The following ARHGAP42 variants were observed in gnomAD, a reference collection of about 807,000 sequenced individuals.
The protein encoded by ARHGAP42 is Rho GTPase activating protein 42.
ARHGAP42 carries 63 observed loss-of-function variants against 125.0 expected under a neutral mutation model. That is an observed-to-expected ratio of 0.50 (90% CI 0.41 to 0.62). The LOEUF is 0.62. Among genes scored for constraint, ARHGAP42 ranks in the 20% least tolerant of loss-of-function variants. ARHGAP42 has a pLI of 0.00. For synonymous variants in ARHGAP42, 339 were observed against 351.0 expected (o/e 0.97, Z 0.38); for missense variants, 766 against 1,024.2 (o/e 0.75, Z 3.44).
chr11:100,973,388 G>A, intron 18 of ARHGAP42, 54 bp downstream of exon 18: 2 of 1,519,804 alleles, frequency 1.3e-6, no homozygotes, highest in South Asian at 2.5e-5. Flanking sequence ...GTTTTATAAA[G>A]GAATTTTGCA....
In ARHGAP42 at chr11:100,837,838, T is replaced by A. The variant is rs189653236; in HGVS notation, c.313-21716T>A. ...CAGTTAAGTTTTTGGCCATCTTGGA[T>A]TTAATTAGTTGTGGCTGTTTTTGTT... On this transcript the variant is annotated intron_variant, in intron 3 of 23. Transcript: ENST00000298815. Among the ~76,000 whole-genome samples, 360 of 149,992 alleles carry A rather than the reference T, an allele frequency of 2.4e-3. 1 individual carries two copies. The highest frequency in any genetic ancestry group is 8.1e-3 in the African/African-American group (334 of 41,134).
chr11:100,903,133 A>ACACACACACACACG (rs1591282259), intron 4 of ARHGAP42, among the ~76,000 whole-genome samples: 2 of 151,268 alleles, frequency 1.3e-5, no homozygotes, highest in East Asian at 3.9e-4. Context: ...ACACACACAC[A>ACACACACACACACG]CACACACACA....
At chr11:100,742,133 A>C (rs1305144301) in intron 1 of ARHGAP42, among the ~76,000 whole-genome samples, 1 of 152,210 alleles carries the variant, frequency 6.6e-6, no homozygotes, top group Non-Finnish European at 1.5e-5. Context: ...TACTGCCATC[A>C]TTCTGATCCT....
rs971023847 is a variant in ARHGAP42 at position 100,688,017 on chromosome 11, A to T, written c.154+185A>T. 20 of 571,916 alleles carry T rather than the reference A, an allele frequency of 3.5e-5. No homozygotes were observed. The Admixed American group carries it at 6.7e-4, about 19-fold the overall frequency. 35.4% of individuals were successfully genotyped at this position (571,916 alleles called of 1,614,324 possible). ...CTTGAGGTGTTCTTTACTTACTCAC[A>T]TGTCTACAGGGATGGGGAAAGTTCT... On this transcript the variant is annotated intron_variant, in intron 1 of 23. Coordinates refer to ENST00000298815, the MANE Select transcript of ARHGAP42 (RefSeq NM_152432.4).
intron 5 of ARHGAP42, among the ~76,000 whole-genome samples, chr11:100,915,167 A>G (rs894913691): frequency 3.9e-5 from 6 of 152,182 alleles, no homozygotes; most frequent in African/African-American, 1.2e-4. Flanking sequence ...CTAGATTTCT[A>G]TTTGAAATTT....
chr11:100,713,218 T>C (rs928480240), intron 1 of ARHGAP42, among the ~76,000 whole-genome samples: 2 of 152,220 alleles, frequency 1.3e-5, no homozygotes, highest in Non-Finnish European at 2.9e-5. Flanking sequence ...TTTTGTAATG[T>C]TTTATATACT....
At chr11:100,907,604 A>G (rs1866774684) in intron 4 of ARHGAP42, among the ~76,000 whole-genome samples, 1 of 152,152 alleles carries the variant, frequency 6.6e-6, no homozygotes, top group African/African-American at 2.4e-5. Flanking sequence ...AGCCACACCA[A>G]TATTTTCACC....
At chr11:100,725,145 C>A (rs61910502) in intron 1 of ARHGAP42, among the ~76,000 whole-genome samples, 1 of 150,708 alleles carries the variant, frequency 6.6e-6, no homozygotes, top group African/African-American at 2.4e-5. Flanking sequence ...CTCCCTTATG[C>A]GCCCATTTTA....
At chr11:100,984,823 TA>T (rs1000952438) in intron 22 of ARHGAP42, among the ~76,000 whole-genome samples, 2 of 152,086 alleles carry the variant, frequency 1.3e-5, no homozygotes, top group African/African-American at 2.4e-5. Context: ...GTGACAGTGT[TA>T]TTTTCACATC....
intron 3 of ARHGAP42, among the ~76,000 whole-genome samples, chr11:100,852,785 A>G (rs11224489): frequency 0.04 from 6,132 of 152,256 alleles, 137 homozygotes; most frequent in African/African-American, 0.061. Flanking sequence ...CTTCTATAGT[A>G]CTAACAAACA....
In ARHGAP42 at chr11:100,990,644, C is replaced by T. The variant is rs1858808955; in HGVS notation, c.*1843C>T. The T allele has an allele frequency of 6.6e-6, 1 of 152,528 alleles. No homozygotes were observed. The highest frequency in any genetic ancestry group is 2.1e-4 in the South Asian group (1 of 4,820). The allele number at this position is 152,528 out of a possible 1,614,324, so 9.4% of individuals were successfully genotyped here. On this transcript the variant is annotated 3_prime_UTR_variant, in exon 24 of 24. Coordinates refer to ENST00000298815, the MANE Select transcript of ARHGAP42 (RefSeq NM_152432.4). Reference sequence around the variant, plus strand: ...AGGTGTGTTGCTGGATCTTCTTGGTCGAGGTCCTTGGTGACCTTAGTAGTA... The same window carrying T: ...AGGTGTGTTGCTGGATCTTCTTGGTTGAGGTCCTTGGTGACCTTAGTAGTA...
At chr11:100,830,546 CA>C (rs1177327944) in intron 3 of ARHGAP42, among the ~76,000 whole-genome samples, 1 of 152,158 alleles carries the variant, frequency 6.6e-6, no homozygotes, top group Non-Finnish European at 1.5e-5. Flanking sequence ...ACCTACTGAA[CA>C]AGAAGCTGCA....
intron 3 of ARHGAP42, among the ~76,000 whole-genome samples, chr11:100,806,857 A>G (rs1864006359): frequency 1.3e-5 from 2 of 150,658 alleles, no homozygotes; most frequent in African/African-American, 4.8e-5. Context: ...TTATTTATTT[A>G]TTTATTTTTG....
chr11:100,701,454 A>G (rs892780602), intron 1 of ARHGAP42, among the ~76,000 whole-genome samples: 1 of 152,248 alleles, frequency 6.6e-6, no homozygotes, highest in African/African-American at 2.4e-5. Context: ...TGCTTCATCC[A>G]CATTGAAAGT....
chr11:100,903,907 T>C (rs1001809872), intron 4 of ARHGAP42, among the ~76,000 whole-genome samples: 10 of 151,568 alleles, frequency 6.6e-5, no homozygotes, highest in Non-Finnish European at 1.2e-4. Flanking sequence ...GCATCCAGCA[T>C]GGGAGAAAGA....
At chr11:100,692,219 C>G (rs559785311) in intron 1 of ARHGAP42, among the ~76,000 whole-genome samples, 2 of 151,130 alleles carry the variant, frequency 1.3e-5, no homozygotes, top group Admixed American at 6.6e-5. Context: ...TAGTATTGAT[C>G]AAAGGAAAAA....
At chr11:100,812,505 A>T (rs1864170364) in intron 3 of ARHGAP42, among the ~76,000 whole-genome samples, 1 of 152,180 alleles carries the variant, frequency 6.6e-6, no homozygotes, top group East Asian at 1.9e-4. Context: ...ACTCTGGAAA[A>T]AGGGAGATAA....
At chr11:100,812,130 C>A (rs1052049396) in intron 3 of ARHGAP42, among the ~76,000 whole-genome samples, 4 of 152,040 alleles carry the variant, frequency 2.6e-5, no homozygotes, top group Admixed American at 2.6e-4. Flanking sequence ...AATGAATGAG[C>A]CTTCATATAG....
At chr11:100,761,968 C>T (rs577688594) in intron 1 of ARHGAP42, among the ~76,000 whole-genome samples, 1 of 152,346 alleles carries the variant, frequency 6.6e-6, no homozygotes, top group African/African-American at 2.4e-5. Context: ...TGCTCTGAAA[C>T]ACATGGCAGT....
Sources: allele counts gnomAD v4.1 joint callset (sites outside exome capture counted in the v4.1 genomes callset), GRCh38; gene constraint gnomAD v4.1.1; transcripts MANE v1.5; gene names NCBI Gene and HGNC (gene_info 2026-07-23, HGNC 2026-07-21).